The following ZNF395 variants were observed in gnomAD, a reference collection of about 807,000 sequenced individuals.
ZNF395 encodes the protein zinc finger protein 395.
In ZNF395, 20 loss-of-function variants were observed where a neutral mutation model predicts 57.7. The observed-to-expected ratio is 0.35, with a 90% CI of 0.24 to 0.50. The LOEUF (loss-of-function observed/expected upper bound fraction) is 0.50. Among genes scored for constraint, ZNF395 ranks in the 20% least tolerant of loss-of-function variants. ZNF395 has a pLI of 0.97. For synonymous variants in ZNF395, 295 were observed against 275.9 expected (o/e 1.07, Z -0.69); for missense variants, 606 against 671.2 (o/e 0.90, Z 1.07).
chr8:28,360,831 C>A lies in ZNF395; in HGVS notation c.240+54G>T, dbSNP rs2294110. On this transcript the variant is annotated intron_variant, in intron 2 of 9. Transcript: ENST00000344423. ...GGCCTGTCACTAGGGCACCCCAGCC[C>A]CCTACCCCAAGACTGGCAAGACGGG... 6 of 1,595,084 alleles carry A rather than the reference C, an allele frequency of 3.8e-6. No homozygotes were observed. In the East Asian group the frequency reaches 1.3e-4, roughly 36 times the overall value.
intron 1 of ZNF395, among the ~76,000 whole-genome samples, chr8:28,376,860 TGTTAA>T (rs1309082673): frequency 1.3e-5 from 2 of 152,210 alleles, no homozygotes; most frequent in Non-Finnish European, 2.9e-5. Context: ...AACTGCCATT[TGTTAA>T]GTCAGCGCAC....
intron 9 of ZNF395, 21 bp downstream of exon 9, chr8:28,349,104 G>A (rs776318802): frequency 6.4e-7 from 1 of 1,558,806 alleles, no homozygotes; most frequent in South Asian, 1.2e-5. Context: ...AGAAGGCAGG[G>A]GACGACAGCG....
At position 28,375,930 on chromosome 8, in the gene ZNF395, A is replaced by G. The variant is rs1802035690; in HGVS notation, c.-59+10463T>C. On this transcript the variant is annotated intron_variant, in intron 1 of 9. Transcript: ENST00000344423. ...CGGGTGTTTTTACTAAGAGAGTTGT[A>G]TATGGCTTCCTGATACTCAAAGGAC... Among the ~76,000 whole-genome samples, 4 of 152,184 alleles carry G rather than the reference A, an allele frequency of 2.6e-5. No homozygotes were observed. The South Asian group carries it at 8.3e-4, about 31-fold the overall frequency.
rs1801822710 is a variant in ZNF395 at position 28,359,562 on chromosome 8, T to C, written c.473+30A>G. ...TTACACCACACTACCCACGTGACTT[T>C]TAAAACCCAGTTTCTTCTCCCACAC... On this transcript the variant is annotated intron_variant, in intron 3 of 9. Transcript: ENST00000344423. The surrounding 1 kb of genome is among the most constrained non-coding windows in gnomAD (Gnocchi z 4.7). The C allele has an allele frequency of 6.4e-7, 1 of 1,556,532 alleles. No individual in the cohort carries two copies.
At chr8:28,351,857 A>C in intron 6 of ZNF395, 50 bp from the exon 7 acceptor site, 1 of 1,500,232 alleles carries the variant, frequency 6.7e-7, no homozygotes. Flanking sequence ...GCCCCCTTCA[A>C]ACCCAGCGGG....
chr8:28,351,502 G>C lies in ZNF395; in HGVS notation c.1226C>G (p.Ala409Gly). The change falls in exon 7 of 10, where the codon GCA becomes GGA. Residue 409 changes from alanine to glycine, a missense_variant. Ala to Gly is a moderately conservative substitution (Grantham distance 60). Transcript: ENST00000344423. ...GSFWHIQADH[A>G]YQALPSFQIP... ...GCGAGCCCCGCCCCATACCTGGTAT[G>C]CATGATCTGCCTGAATGTGCCAGAA... is the stretch of plus-strand genomic sequence containing the variant. 1 of 1,602,508 alleles carries C rather than the reference G, an allele frequency of 6.2e-7. No homozygotes were observed.
intron 1 of ZNF395, among the ~76,000 whole-genome samples, chr8:28,362,787 G>C (rs994103853): frequency 6.6e-6 from 1 of 152,166 alleles, no homozygotes; most frequent in Non-Finnish European, 1.5e-5. Context: ...AATGGCAAAA[G>C]AATTGTAAAG....
chr8:28,353,113 G>T, intron 5 of ZNF395, 60 bp downstream of exon 5: 1 of 1,552,000 alleles, frequency 6.4e-7, no homozygotes, highest in Non-Finnish European at 8.9e-7. Context: ...ACGGCTGGCT[G>T]TCCCCACACA....
At chr8:28,350,007 A>G (rs1801660126) in intron 8 of ZNF395, 57 bp downstream of exon 8, 1 of 1,465,658 alleles carries the variant, frequency 6.8e-7, no homozygotes, top group African/African-American at 1.4e-5. Context: ...CAGCCCTGGG[A>G]TGTGTGGGAG....
At chr8:28,354,043 T>C (rs1470012677) in intron 4 of ZNF395, among the ~76,000 whole-genome samples, 3 of 152,218 alleles carry the variant, frequency 2.0e-5, no homozygotes, top group Non-Finnish European at 1.5e-5. Context: ...TTCCCAGTGC[T>C]AGCTGCAGCC....
intron 5 of ZNF395, 30 bp downstream of exon 5, chr8:28,353,143 T>G (rs1263913811): frequency 6.2e-7 from 1 of 1,607,460 alleles, no homozygotes. Flanking sequence ...CGCTCCAGCC[T>G]GGGCTCCCAC....
At chr8:28,355,050 A>C (rs2129948679) in intron 4 of ZNF395, among the ~76,000 whole-genome samples, 1 of 152,310 alleles carries the variant, frequency 6.6e-6, no homozygotes, top group East Asian at 1.9e-4. Context: ...TATAAGTTAT[A>C]AGTTAATGTG....
chr8:28,370,338 G>A (rs1407110486), intron 1 of ZNF395, among the ~76,000 whole-genome samples: 3 of 152,318 alleles, frequency 2.0e-5, no homozygotes, highest in South Asian at 2.1e-4. Context: ...GAAAATAAAC[G>A]GAGTGGAGGA....
intron 2 of ZNF395, among the ~76,000 whole-genome samples, chr8:28,360,048 T>C (rs926180005): frequency 9.9e-5 from 15 of 152,222 alleles, no homozygotes; most frequent in African/African-American, 3.4e-4. Context: ...CTCTCTAGAC[T>C]GGCAGACAGC....
At position 28,352,459 on chromosome 8, in the gene ZNF395, T is replaced by C. The variant is rs1268315287; in HGVS notation, c.920+114A>G. 9.6e-6 allele frequency: 8 copies of C among 837,622 alleles called. No individual in the cohort carries two copies. In the Admixed American group the frequency reaches 1.8e-4, roughly 19 times the overall value. The allele number at this position is 837,622 out of a possible 1,614,324, so 51.9% of individuals were successfully genotyped here. ...GGCCAGGAAGAGACACCAGGGGGTG[T>C]TCCCAGCAAGCCACGTTCCTGAAAG... On this transcript the variant is annotated intron_variant, in intron 6 of 9. Coordinates refer to ENST00000344423, the MANE Select transcript of ZNF395 (RefSeq NM_018660.3). This position sits in a 1 kb window ranked among gnomAD's most constrained non-coding sequence, Gnocchi z 4.0.
intron 7 of ZNF395, among the ~76,000 whole-genome samples, chr8:28,350,376 G>A (rs1371556035): frequency 6.6e-6 from 1 of 152,164 alleles, no homozygotes; most frequent in East Asian, 1.9e-4. Context: ...ATCTCATCCT[G>A]GAACCCTTCC....
chr8:28,382,335 C>T (rs1270648177), intron 1 of ZNF395, among the ~76,000 whole-genome samples: 1 of 152,198 alleles, frequency 6.6e-6, no homozygotes. Flanking sequence ...AAAACACTCC[C>T]TGGCCACCGG....
rs926909669 is a variant in ZNF395 at position 28,386,042 on chromosome 8, C to CCGGCTCGGACGGCT, written c.-59+337_-59+350dup. The CCGGCTCGGACGGCT allele has an allele frequency of 2.0e-5, 3 of 147,284 alleles. No homozygotes were observed. The East Asian group carries it at 5.9e-4, about 29-fold the overall frequency. The allele number at this position is 147,284 out of a possible 1,614,324, so 9.1% of individuals were successfully genotyped here. On this transcript the variant is annotated intron_variant, in intron 1 of 9. Transcript: ENST00000344423. ...GAGCGGCAGCACGCGCCCGGCTTCC[C>CCGGCTCGGACGGCT]CGGCTCGGACGGCTCGGCTCGGACG...
intron 1 of ZNF395, among the ~76,000 whole-genome samples, chr8:28,366,936 C>T (rs1050268635): frequency 6.6e-6 from 1 of 152,082 alleles, no homozygotes; most frequent in Non-Finnish European, 1.5e-5. Context: ...CATCAAAAGC[C>T]GTGACTTAAA....
Sources: allele counts gnomAD v4.1 joint callset (sites outside exome capture counted in the v4.1 genomes callset), GRCh38; gene constraint gnomAD v4.1.1; non-coding constraint Gnocchi (gnomAD v3.1); transcripts MANE v1.5; gene names NCBI Gene and HGNC (gene_info 2026-07-23, HGNC 2026-07-21).